Variants in ZNG1A observed in about 807,000 individuals in gnomAD.
ZNG1A encodes the protein zinc-regulated GTPase metalloprotein activator 1A.
At chr9:136,129 A>T in the ZNG1A span, among the ~76,000 whole-genome samples, 4 of 81,504 alleles carry the variant, frequency 4.9e-5, 2 homozygotes, top group Non-Finnish European at 1.1e-4. Context: ...AACAACGAAC[A>T]TTTAAGTTTA....
chr9:154,971 A>T, the ZNG1A span, among the ~76,000 whole-genome samples: 1 of 152,212 alleles, frequency 6.6e-6, no homozygotes, highest in Non-Finnish European at 1.5e-5. Flanking sequence ...TTTACTCCTA[A>T]TCCGCTAATT....
At chr9:132,344 ATC>A in the ZNG1A span, among the ~76,000 whole-genome samples, 1 of 120,442 alleles carries the variant, frequency 8.3e-6, no homozygotes, top group African/African-American at 3.3e-5. Context: ...GTGAAACCCC[ATC>A]TCTACTAAAA....
the ZNG1A span, among the ~76,000 whole-genome samples, chr9:128,714 G>A: frequency 6.7e-6 from 1 of 149,932 alleles, no homozygotes; most frequent in Admixed American, 6.6e-5. Flanking sequence ...TCCATTGCTG[G>A]TGAGCTAGTG....
At chr9:174,809 CTT>C in the ZNG1A span, among the ~76,000 whole-genome samples, 2 of 150,778 alleles carry the variant, frequency 1.3e-5, no homozygotes, top group Non-Finnish European at 2.9e-5. Context: ...TGAAGAAAAA[CTT>C]CTATAAAGAT....
chr9:174,843 G>C, the ZNG1A span, among the ~76,000 whole-genome samples: 1 of 150,700 alleles, frequency 6.6e-6, no homozygotes, highest in Non-Finnish European at 1.5e-5. Flanking sequence ...TGTGTCTAGA[G>C]CTATTTTTTT....
the ZNG1A span, chr9:160,048 C>A: frequency 6.6e-6 from 3 of 454,420 alleles, no homozygotes. Flanking sequence ...TAAATGCTGT[C>A]ACATTTGTGG....
chr9:163,146 C>T, the ZNG1A span, among the ~76,000 whole-genome samples: 1 of 151,982 alleles, frequency 6.6e-6, no homozygotes, highest in African/African-American at 2.4e-5. Flanking sequence ...ATGATTATTA[C>T]TTTTGAAAAA....
At chr9:163,919 C>G in the ZNG1A span, 2 of 1,464,000 alleles carry the variant, frequency 1.4e-6, no homozygotes, top group South Asian at 1.2e-5. Context: ...AAGTGAGACT[C>G]TGTCTCAGAA....
At chr9:162,226 C>T in the ZNG1A span, among the ~76,000 whole-genome samples, 7 of 147,844 alleles carry the variant, frequency 4.7e-5, 1 homozygote, top group African/African-American at 1.5e-4. Context: ...AATTTTATCA[C>T]CAAATCAAAC....
the ZNG1A span, chr9:167,145 T>C: frequency 6.6e-6 from 1 of 151,812 alleles, no homozygotes; most frequent in Admixed American, 6.6e-5. Flanking sequence ...AAATCAGACT[T>C]TTCTACAGTA....
the ZNG1A span, among the ~76,000 whole-genome samples, chr9:177,979 C>G: frequency 6.8e-6 from 1 of 147,606 alleles, no homozygotes; most frequent in Non-Finnish European, 1.5e-5. Context: ...GTACCTGTCT[C>G]TAGCAACAAC....
the ZNG1A span, among the ~76,000 whole-genome samples, chr9:128,712 T>C: frequency 1.3e-5 from 2 of 150,286 alleles, no homozygotes; most frequent in East Asian, 3.9e-4. Context: ...GATCCATTGC[T>C]GGTGAGCTAG....
At chr9:166,518 G>T in the ZNG1A span, 1 of 152,602 alleles carries the variant, frequency 6.6e-6, no homozygotes, top group African/African-American at 2.4e-5. Flanking sequence ...ACAAAATGAA[G>T]AAATGAATAG....
chr9:163,121 T>C, the ZNG1A span, among the ~76,000 whole-genome samples: 1 of 151,838 alleles, frequency 6.6e-6, no homozygotes, highest in African/African-American at 2.4e-5. Flanking sequence ...AGCTTAATAA[T>C]TCTTAAATTT....
At chr9:147,973 C>T in the ZNG1A span, 3 of 151,388 alleles carry the variant, frequency 2.0e-5, no homozygotes, top group Admixed American at 6.6e-5. Flanking sequence ...TTCAGTGAGC[C>T]GAGGTCGCAC....
At chr9:159,552 A>G in the ZNG1A span, among the ~76,000 whole-genome samples, 1 of 152,156 alleles carries the variant, frequency 6.6e-6, no homozygotes, top group African/African-American at 2.4e-5. Context: ...TTACTTGTCA[A>G]TTATACCTCA....
chr9:126,679 AT>A, the ZNG1A span, among the ~76,000 whole-genome samples: 2 of 150,002 alleles, frequency 1.3e-5, no homozygotes, highest in Non-Finnish European at 3.0e-5. Context: ...TATCTTTTGG[AT>A]TTTTTTTGTT....
the ZNG1A span, chr9:146,821 TA>T: frequency 2.8e-5 from 4 of 144,556 alleles, no homozygotes; most frequent in Non-Finnish European, 6.0e-5. Context: ...GGTTTAAATA[TA>T]AAAAAGCAAA....
chr9:130,056 G>A, the ZNG1A span, among the ~76,000 whole-genome samples: 7 of 151,306 alleles, frequency 4.6e-5, 1 homozygote, highest in African/African-American at 1.5e-4. Context: ...AAGTATTTGC[G>A]TGACAGTAAT....
Sources: gnomAD v4.1 joint callset for allele counts (sites outside exome capture counted in the v4.1 genomes callset) on GRCh38, gnomAD v4.1.1 for gene constraint, MANE v1.5 for transcripts, NCBI Gene and HGNC (gene_info 2026-07-23, HGNC 2026-07-21) for gene names.